Variants in AGBL1 observed in about 807,000 individuals in gnomAD.
The protein encoded by AGBL1 is cytosolic carboxypeptidase 4.
In AGBL1, 130 loss-of-function variants were observed where a neutral mutation model predicts 118.9. That is an observed-to-expected ratio of 1.09 (90% confidence interval 0.95 to 1.26). The LOEUF (loss-of-function observed/expected upper bound fraction) is 1.26. Ranked by LOEUF, AGBL1 falls within the 50% of genes most tolerant of loss-of-function variation. The pLI, the probability that AGBL1 is intolerant of heterozygous loss-of-function variation, is 0.00. For missense variants in AGBL1, 1,584 were observed against 1,298.1 expected (o/e 1.22, Z -3.38); for synonymous variants, 555 against 478.9 (o/e 1.16, Z -2.08).
At chr15:86,469,484 C>T (rs903075863) in intron 18 of AGBL1, among the ~76,000 whole-genome samples, 1 of 152,096 alleles carries the variant, frequency 6.6e-6, no homozygotes, top group Non-Finnish European at 1.5e-5. Flanking sequence ...TTCATCTCTC[C>T]ATGGACACTT....
chr15:86,527,407 T>C (rs1340227691), intron 19 of AGBL1, among the ~76,000 whole-genome samples: 4 of 152,302 alleles, frequency 2.6e-5, no homozygotes, highest in Non-Finnish European at 4.4e-5. Flanking sequence ...GCCACAGACA[T>C]GTTTCCTGCT....
chr15:86,227,340 G>T (rs771355857), intron 6 of AGBL1, among the ~76,000 whole-genome samples: 2 of 152,252 alleles, frequency 1.3e-5, no homozygotes, highest in Non-Finnish European at 2.9e-5. Context: ...ATAACACAAG[G>T]TAGTTGGATG....
At chr15:86,155,842 G>T (rs2077182327) in intron 4 of AGBL1, among the ~76,000 whole-genome samples, 1 of 152,062 alleles carries the variant, frequency 6.6e-6, no homozygotes, top group Non-Finnish European at 1.5e-5. Context: ...CTCTGCTAGG[G>T]CTGCCTTAAT....
intron 22 of AGBL1, among the ~76,000 whole-genome samples, chr15:86,770,602 GC>G (rs763868296): frequency 3.3e-5 from 5 of 151,980 alleles, no homozygotes; most frequent in Non-Finnish European, 5.9e-5. Flanking sequence ...CCGAAGGATG[GC>G]AGAGTTGGTC....
intron 18 of AGBL1, among the ~76,000 whole-genome samples, chr15:86,465,033 G>A (rs2082385355): frequency 6.6e-6 from 1 of 152,006 alleles, no homozygotes; most frequent in South Asian, 2.1e-4. Context: ...GTCACTTTCA[G>A]GTACACCAAT....
intron 22 of AGBL1, among the ~76,000 whole-genome samples, chr15:86,756,209 T>A (rs1596453045): frequency 6.7e-6 from 1 of 150,032 alleles, no homozygotes; most frequent in East Asian, 1.9e-4. Flanking sequence ...CAGAAAAAGA[T>A]AAGTCCCCAT....
intron 22 of AGBL1, among the ~76,000 whole-genome samples, chr15:86,864,306 C>T (rs2079596681): frequency 6.6e-6 from 1 of 152,154 alleles, no homozygotes; most frequent in Non-Finnish European, 1.5e-5. Context: ...CACTAACTTG[C>T]ATTGACTCAT....
chr15:86,439,980 T>A (rs1478692116), intron 18 of AGBL1, among the ~76,000 whole-genome samples: 2 of 151,200 alleles, frequency 1.3e-5, no homozygotes, highest in African/African-American at 2.5e-5. Context: ...TATCTGAAGT[T>A]TTTAGCCATA....
At chr15:86,763,912 G>T (rs547935131) in intron 22 of AGBL1, among the ~76,000 whole-genome samples, 1 of 152,036 alleles carries the variant, frequency 6.6e-6, no homozygotes, top group Non-Finnish European at 1.5e-5. Flanking sequence ...CCAAGTGATG[G>T]AACAGGAATT....
At chr15:87,002,041 G>C (rs1050485937) in intron 24 of AGBL1, among the ~76,000 whole-genome samples, 2 of 152,036 alleles carry the variant, frequency 1.3e-5, no homozygotes, top group Non-Finnish European at 2.9e-5. Flanking sequence ...TTTTAGGCAT[G>C]AAGTCCTTGC....
intron 23 of AGBL1, among the ~76,000 whole-genome samples, chr15:86,965,596 A>G (rs1331084048): frequency 2.0e-5 from 3 of 152,050 alleles, no homozygotes; most frequent in African/African-American, 7.2e-5. Context: ...GTTCACTCTG[A>G]TGATGGTTTC....
At chr15:86,903,853 G>C (rs2080244658) in intron 22 of AGBL1, among the ~76,000 whole-genome samples, 1 of 152,176 alleles carries the variant, frequency 6.6e-6, no homozygotes, top group Non-Finnish European at 1.5e-5. Context: ...CTCTCCAGTG[G>C]TAGGGGACAG....
chr15:86,315,550 CTAATAA>C (rs2079990318), intron 17 of AGBL1, among the ~76,000 whole-genome samples: 1 of 151,814 alleles, frequency 6.6e-6, no homozygotes, highest in Non-Finnish European at 1.5e-5. Flanking sequence ...CCCGTCTCTA[CTAATAA>C]TACAAAAAAA....
At chr15:86,169,159 A>C (rs1408944095) in intron 5 of AGBL1, among the ~76,000 whole-genome samples, 1 of 152,196 alleles carries the variant, frequency 6.6e-6, no homozygotes, top group Admixed American at 6.5e-5. Context: ...CAGTTGGGAG[A>C]CAGAGCTGAA....
At position 86,098,952 on chromosome 15, in the gene AGBL1, G is replaced by A. The variant is rs571657596; in HGVS notation, c.51+18929G>A. On this transcript the variant is annotated intron_variant, in intron 1 of 22. Coordinates refer to ENST00000614907, the MANE Select transcript of AGBL1 (RefSeq NM_001386094.1). ...TTCTTCTGATCCATGAGCATTGGAT[G>A]TCTTTCCATTTTTTAGTGTCCTCCT... is the stretch of plus-strand genomic sequence containing the variant. Among the ~76,000 whole-genome samples the A allele has an allele frequency of 3.0e-4, 45 of 152,236 alleles. 1 individual carries two copies. Among genetic ancestry groups the A allele is most frequent in the Non-Finnish European group, 5.4e-4 (37 of 67,998 alleles).
chr15:86,370,767 C>A (rs1187991607), intron 17 of AGBL1, among the ~76,000 whole-genome samples: 1 of 152,210 alleles, frequency 6.6e-6, no homozygotes, highest in Non-Finnish European at 1.5e-5. Context: ...TCTCCTCCTT[C>A]CACTCCTCTT....
intron 22 of AGBL1, among the ~76,000 whole-genome samples, chr15:86,883,015 G>T (rs148745696): frequency 8.5e-5 from 13 of 152,270 alleles, no homozygotes; most frequent in Non-Finnish European, 1.6e-4. Context: ...TTGCAGAGTT[G>T]CTTGGTAGTT....
chr15:86,447,552 A>T (rs1311102124), intron 18 of AGBL1, among the ~76,000 whole-genome samples: 2 of 152,184 alleles, frequency 1.3e-5, no homozygotes, highest in African/African-American at 4.8e-5. Context: ...CAAAGTGTTT[A>T]AGTCAAGATG....
intron 1 of AGBL1, among the ~76,000 whole-genome samples, chr15:86,107,152 A>T (rs1344073273): frequency 6.6e-6 from 1 of 152,252 alleles, no homozygotes; most frequent in Non-Finnish European, 1.5e-5. Context: ...TGGAAGATGA[A>T]TATGGCATCC....
Sources: gnomAD v4.1 joint callset for allele counts (sites outside exome capture counted in the v4.1 genomes callset) on GRCh38, gnomAD v4.1.1 for gene constraint, MANE v1.5 for transcripts, NCBI Gene and HGNC (gene_info 2026-07-23, HGNC 2026-07-21) for gene names.